FILIP1L: variants seen among roughly 807,000 people sequenced by gnomAD.
FILIP1L encodes the protein filamin A-interacting protein 1-like.
A neutral mutation model predicts 96.6 loss-of-function variants in FILIP1L; 55 were observed. That is an observed-to-expected ratio of 0.57 (90% CI 0.46 to 0.71). FILIP1L has a LOEUF of 0.71. Among genes scored for constraint, FILIP1L ranks in the 30% least tolerant of loss-of-function variants. FILIP1L has a pLI of 0.00. For missense variants in FILIP1L, 1,304 were observed against 1,321.2 expected (o/e 0.99, Z 0.20); for synonymous variants, 467 against 473.9 (o/e 0.99, Z 0.19).
At chr3:100,034,646 T>G (rs911827574) in intron 1 of FILIP1L, among the ~76,000 whole-genome samples, 2 of 152,204 alleles carry the variant, frequency 1.3e-5, no homozygotes, top group South Asian at 4.1e-4. Context: ...ATAGCAAATG[T>G]CTAGTATTTA....
intron 1 of FILIP1L, among the ~76,000 whole-genome samples, chr3:99,980,260 ACT>A (rs1233617014): frequency 6.6e-6 from 1 of 152,136 alleles, no homozygotes; most frequent in East Asian, 1.9e-4. Context: ...ACCTGGATCT[ACT>A]AATCTTACCT....
intron 5 of FILIP1L, among the ~76,000 whole-genome samples, chr3:99,846,851 T>G (rs1052241606): frequency 1.3e-5 from 2 of 152,210 alleles, no homozygotes; most frequent in African/African-American, 4.8e-5. Context: ...TTAACCACAC[T>G]AAATTAACAA....
intron 5 of FILIP1L, among the ~76,000 whole-genome samples, chr3:99,831,641 G>T (rs1468760632): frequency 6.6e-6 from 1 of 152,214 alleles, no homozygotes; most frequent in Non-Finnish European, 1.5e-5. Context: ...ATGGATTTCT[G>T]TGATGTCCTG....
intron 1 of FILIP1L, among the ~76,000 whole-genome samples, chr3:99,979,486 A>G (rs1467823416): frequency 6.6e-6 from 1 of 152,198 alleles, no homozygotes; most frequent in Non-Finnish European, 1.5e-5. Flanking sequence ...CCAGCATTGG[A>G]GTCAGGTTGT....
chr3:99,978,376 A>G (rs1709027977), intron 1 of FILIP1L, among the ~76,000 whole-genome samples: 1 of 152,236 alleles, frequency 6.6e-6, no homozygotes, highest in Non-Finnish European at 1.5e-5. Flanking sequence ...AAAATATGGA[A>G]TCAACCTAAG....
chr3:99,991,899 TATATATAC>T (rs1709527007), intron 1 of FILIP1L, among the ~76,000 whole-genome samples: 1 of 149,622 alleles, frequency 6.7e-6, no homozygotes, highest in Non-Finnish European at 1.5e-5. Context: ...TATGTGTGTA[TATATATAC>T]ATATATAGGT....
intron 1 of FILIP1L, among the ~76,000 whole-genome samples, chr3:99,983,428 GTATGTATA>G (rs1709204458): frequency 2.1e-5 from 1 of 47,160 alleles, no homozygotes; most frequent in Admixed American, 2.6e-4. Flanking sequence ...ATGTATGTAT[GTATGTATA>G]TATATGTATG....
intron 1 of FILIP1L, among the ~76,000 whole-genome samples, chr3:100,013,975 C>G (rs1220898809): frequency 6.6e-6 from 1 of 152,088 alleles, no homozygotes; most frequent in Non-Finnish European, 1.5e-5. Flanking sequence ...GTGCCGCCCC[C>G]TTCCCACTGC....
intron 1 of FILIP1L, among the ~76,000 whole-genome samples, chr3:100,070,823 G>C (rs147363919): frequency 6.6e-6 from 1 of 152,130 alleles, no homozygotes; most frequent in Non-Finnish European, 1.5e-5. Context: ...TAGAGACCGG[G>C]TCTCACCATG....
At chr3:99,930,489 G>A (rs1207129338) in intron 2 of FILIP1L, among the ~76,000 whole-genome samples, 1 of 152,162 alleles carries the variant, frequency 6.6e-6, no homozygotes, top group East Asian at 1.9e-4. Context: ...TATTGCTACT[G>A]ATGCATGCAT....
chr3:99,848,807 C>T lies in FILIP1L; in HGVS notation c.2869G>A (p.Val957Ile). 4 of 1,614,104 alleles carry T rather than the reference C, an allele frequency of 2.5e-6. No individual in the cohort carries two copies. Among genetic ancestry groups the T allele is most frequent in the Non-Finnish European group, 3.4e-6 (4 of 1,180,026 alleles). The change falls in exon 5 of 6, where the codon GTA (valine) becomes ATA (isoleucine). Residue 957 changes from valine (V) to isoleucine (I), a missense_variant. Coordinates refer to ENST00000477258, the MANE Select transcript of FILIP1L (RefSeq NM_001387850.1). ...TCTTCGGTAGAGGTTTTGGACTTTA[C>T]TGGTGTTATGGAGGCGTTTTGGAGG... ...TILQNASITP[V>I]KSKTSTEDLM...
chr3:99,920,611 A>G (rs1707095169), intron 4 of FILIP1L, among the ~76,000 whole-genome samples: 1 of 152,206 alleles, frequency 6.6e-6, no homozygotes, highest in Non-Finnish European at 1.5e-5. Flanking sequence ...CAGCTAAGGA[A>G]ACTTTGCATT....
chr3:99,949,272 A>G (rs1232600321), intron 1 of FILIP1L, among the ~76,000 whole-genome samples: 1 of 152,180 alleles, frequency 6.6e-6, no homozygotes, highest in Non-Finnish European at 1.5e-5. Flanking sequence ...GGTTTCCTCA[A>G]TTTTTATTTT....
intron 1 of FILIP1L, among the ~76,000 whole-genome samples, chr3:99,986,072 A>G (rs148818678): frequency 1.3e-5 from 2 of 152,380 alleles, no homozygotes; most frequent in African/African-American, 2.4e-5. Context: ...ATTAATGTCT[A>G]TAAGATATTA....
chr3:100,074,480 G>GATCTCTT (rs1408624502), intron 1 of FILIP1L, among the ~76,000 whole-genome samples: 6 of 151,606 alleles, frequency 4.0e-5, no homozygotes, highest in Non-Finnish European at 5.9e-5. Flanking sequence ...TTTCTCTGTG[G>GATCTCTT]ATCTCTTATC....
intron 4 of FILIP1L, among the ~76,000 whole-genome samples, chr3:99,896,121 A>C (rs754137838): frequency 2.6e-5 from 4 of 152,168 alleles, no homozygotes; most frequent in Non-Finnish European, 4.4e-5. Flanking sequence ...AAAGGAAGTT[A>C]AGGGAAAACA....
intron 4 of FILIP1L, among the ~76,000 whole-genome samples, chr3:99,887,758 A>G (rs575801983): frequency 4.6e-5 from 7 of 152,328 alleles, no homozygotes; most frequent in African/African-American, 1.7e-4. Context: ...ATATTGAGAT[A>G]GGGCCTCATT....
intron 1 of FILIP1L, among the ~76,000 whole-genome samples, chr3:99,943,907 G>A (rs1377812074): frequency 1.3e-5 from 2 of 152,230 alleles, no homozygotes; most frequent in African/African-American, 4.8e-5. Context: ...TTTCTTCAGG[G>A]CTCAGTGTTT....
At chr3:99,982,013 T>C (rs1709139177) in intron 1 of FILIP1L, among the ~76,000 whole-genome samples, 7 of 152,204 alleles carry the variant, frequency 4.6e-5, no homozygotes, top group Admixed American at 4.6e-4. Flanking sequence ...TTCTATTTTA[T>C]TTTTCTGATA....
Sources: gnomAD v4.1 joint callset for allele counts (sites outside exome capture counted in the v4.1 genomes callset) on GRCh38, gnomAD v4.1.1 for gene constraint, MANE v1.5 for transcripts, NCBI Gene and HGNC (gene_info 2026-07-23, HGNC 2026-07-21) for gene names.